NLGN1: variants seen among roughly 807,000 people sequenced by gnomAD.
The protein encoded by NLGN1 is neuroligin-1.
In NLGN1, 12 loss-of-function variants were observed where a neutral mutation model predicts 65.5. That is an observed-to-expected ratio of 0.18 (90% CI 0.12 to 0.30). The LOEUF (loss-of-function observed/expected upper bound fraction) is 0.30, where lower values mean the gene tolerates loss of function less well. Among genes scored for constraint, NLGN1 ranks in the 10% least tolerant of loss-of-function variants. The pLI, the probability that NLGN1 is intolerant of heterozygous loss-of-function variation, is 1.00. For missense variants in NLGN1, 750 were observed against 1,007.1 expected (o/e 0.74, Z 3.46); for synonymous variants, 350 against 359.5 (o/e 0.97, Z 0.30).
intron 3 of NLGN1, among the ~76,000 whole-genome samples, chr3:173,668,674 A>G (rs1270643391): frequency 2.1e-5 from 3 of 145,056 alleles, no homozygotes; most frequent in South Asian, 2.2e-4. Context: ...GGCTGGATGG[A>G]GTGCAGTGGC....
intron 4 of NLGN1, among the ~76,000 whole-genome samples, chr3:174,020,631 T>C (rs1163886992): frequency 6.6e-6 from 1 of 152,122 alleles, no homozygotes. Context: ...TTTTATATTA[T>C]ATTGGAGTCA....
chr3:173,585,806 G>A (rs1747337667), intron 2 of NLGN1, among the ~76,000 whole-genome samples: 2 of 152,132 alleles, frequency 1.3e-5, no homozygotes, highest in Middle Eastern at 3.2e-3. Context: ...GTGCGCGCGC[G>A]TTCCCAGACA....
intron 4 of NLGN1, among the ~76,000 whole-genome samples, chr3:174,179,167 A>C (rs1343099828): frequency 6.6e-6 from 1 of 152,126 alleles, no homozygotes; most frequent in African/African-American, 2.4e-5. Context: ...TGTTTGCCTT[A>C]GAATAGAATA....
rs536718470 is a variant in NLGN1 at position 174,286,525 on chromosome 3, A to G, written c.*5222A>G. 13 of 151,624 alleles carry G rather than the reference A, an allele frequency of 8.6e-5. 1 individual carries two copies. In the South Asian group the frequency reaches 1.7e-3, roughly 19 times the overall value. 9.4% of individuals were successfully genotyped at this position (151,624 alleles called of 1,614,324 possible). On this transcript the variant is annotated 3_prime_UTR_variant, in exon 7 of 7. Transcript: ENST00000457714. ...ATCATTTAGCAAATTAATGGGACAT[A>G]TGTCATGGTTTTTGTAAAAAAGACC...
At chr3:173,811,081 CT>C (rs1351306364) in intron 4 of NLGN1, among the ~76,000 whole-genome samples, 1 of 152,238 alleles carries the variant, frequency 6.6e-6, no homozygotes, top group Non-Finnish European at 1.5e-5. Flanking sequence ...AAATATTTAA[CT>C]TTTCTTTCAC....
intron 4 of NLGN1, among the ~76,000 whole-genome samples, chr3:174,019,882 A>G (rs1412740153): frequency 6.6e-6 from 1 of 152,126 alleles, no homozygotes; most frequent in East Asian, 1.9e-4. Flanking sequence ...TAAACAATAT[A>G]CCTTGACTCT....
chr3:174,206,884 T>C lies in NLGN1; in HGVS notation c.647-68431T>C, dbSNP rs572579202. On this transcript the variant is annotated intron_variant, in intron 4 of 6. Coordinates refer to ENST00000457714, the Ensembl canonical transcript of NLGN1. ...TGGCAAAATGTAGACAGACTCTCAA[T>C]TGGAGTGAGCCTCTTGGGTTCAAGA... Among the ~76,000 whole-genome samples the C allele has an allele frequency of 3.3e-5, 5 of 152,266 alleles. No homozygotes were observed. In the South Asian group the frequency reaches 8.3e-4, roughly 25 times the overall value.
At chr3:173,423,335 C>T (rs370289632) in intron 1 of NLGN1, among the ~76,000 whole-genome samples, 1 of 152,130 alleles carries the variant, frequency 6.6e-6, no homozygotes. Context: ...ATTTCAAAAT[C>T]AATAATGCCT....
intron 3 of NLGN1, among the ~76,000 whole-genome samples, chr3:173,786,790 T>C (rs1019703266): frequency 6.6e-6 from 1 of 152,026 alleles, no homozygotes; most frequent in Admixed American, 6.6e-5. Context: ...AGAAAACAGA[T>C]ATGGGGCAGG....
Position 173,604,681 on chromosome 3 carries a change from C to T in NLGN1, c.83C>T (p.Pro28Leu), listed in dbSNP as rs367828598. The T allele has an allele frequency of 3.1e-6, 5 of 1,613,580 alleles. No homozygotes were observed. The African/African-American group carries it at 6.7e-5, about 22-fold the overall frequency. ...TTGGTACACCGGGGATTGGGTGCCCCATTGACTCTCTGTATGTTGGGATGT... is the reference window on the plus strand; with the variant it reads ...TTGGTACACCGGGGATTGGGTGCCCTATTGACTCTCTGTATGTTGGGATGT... The change falls in exon 3 of 7, where the codon CCA becomes CTA. Residue 28 changes from proline (P) to leucine (L), a missense_variant. Pro to Leu is a moderately conservative substitution (Grantham distance 98, BLOSUM62 -3). Coordinates refer to ENST00000457714, the Ensembl canonical transcript of NLGN1.
chr3:173,598,690 T>A (rs1275861439), intron 2 of NLGN1, among the ~76,000 whole-genome samples: 1 of 152,156 alleles, frequency 6.6e-6, no homozygotes, highest in Non-Finnish European at 1.5e-5. Flanking sequence ...AACTAGACTG[T>A]GCGTTCCTCA....
chr3:173,668,568 A>G (rs1762029490), intron 3 of NLGN1, among the ~76,000 whole-genome samples: 1 of 151,328 alleles, frequency 6.6e-6, no homozygotes, highest in South Asian at 2.1e-4. Flanking sequence ...TGTTGTGGCC[A>G]TGGACAATTC....
intron 4 of NLGN1, among the ~76,000 whole-genome samples, chr3:174,263,961 A>G (rs1203509971): frequency 1.3e-5 from 2 of 150,906 alleles, no homozygotes; most frequent in Non-Finnish European, 2.9e-5. Context: ...TTGGCTGGAT[A>G]TGAAATTCTG....
At chr3:173,542,127 G>A (rs1359814099) in intron 2 of NLGN1, among the ~76,000 whole-genome samples, 1 of 151,444 alleles carries the variant, frequency 6.6e-6, no homozygotes, top group Non-Finnish European at 1.5e-5. Context: ...AATATAATTG[G>A]TTTATTTTAA....
intron 4 of NLGN1, among the ~76,000 whole-genome samples, chr3:174,236,154 C>T (rs191706100): frequency 5.9e-5 from 9 of 152,172 alleles, no homozygotes; most frequent in Admixed American, 2.6e-4. Flanking sequence ...TTGAGGCCTA[C>T]CATACAATCA....
chr3:174,076,712 AGAGAGAGAGAGAGTGTGTGT>A (rs1342038095), intron 4 of NLGN1, among the ~76,000 whole-genome samples: 7 of 137,460 alleles, frequency 5.1e-5, no homozygotes, highest in Admixed American at 1.4e-4. Context: ...AGAGAGAGAG[AGAGAGAGAGAGAGTGTGTGT>A]GTGTGTGTGT....
chr3:174,130,145 C>A (rs1184647747), intron 4 of NLGN1, among the ~76,000 whole-genome samples: 2 of 152,154 alleles, frequency 1.3e-5, no homozygotes, highest in Admixed American at 6.5e-5. Context: ...GAGGCCAAGG[C>A]AGGTGGAGCA....
intron 4 of NLGN1, among the ~76,000 whole-genome samples, chr3:174,225,864 A>G (rs1181964457): frequency 6.6e-6 from 1 of 152,152 alleles, no homozygotes; most frequent in East Asian, 1.9e-4. Flanking sequence ...TTGGTTTTGC[A>G]TCATTACAAT....
At chr3:173,430,537 G>C (rs1412142671) in intron 1 of NLGN1, among the ~76,000 whole-genome samples, 1 of 152,212 alleles carries the variant, frequency 6.6e-6, no homozygotes, top group Non-Finnish European at 1.5e-5. Context: ...GGTGGCTCTT[G>C]ATTAAGGTGG....
Sources: allele counts gnomAD v4.1 joint callset (sites outside exome capture counted in the v4.1 genomes callset), GRCh38; gene constraint gnomAD v4.1.1; transcripts MANE v1.5; gene names NCBI Gene and HGNC (gene_info 2026-07-23, HGNC 2026-07-21).